Variants in USP28 observed in about 807,000 individuals in gnomAD.
The protein encoded by USP28 is ubiquitin specific peptidase 28, also known as ubiquitin carboxyl-terminal hydrolase 28.
In USP28, 113 loss-of-function variants were observed where a neutral mutation model predicts 145.0. The ratio of observed to expected loss-of-function variants is 0.78; its 90% CI spans 0.67 to 0.91. The LOEUF (loss-of-function observed/expected upper bound fraction) is 0.91, where lower values mean the gene tolerates loss of function less well. USP28 is among the 40% of genes least tolerant of loss of function. The pLI, the probability that USP28 is intolerant of heterozygous loss-of-function variation, is 0.00. For missense variants in USP28, 1,201 were observed against 1,289.6 expected, an observed-to-expected ratio of 0.93 and a Z score of 1.05; for synonymous variants, 447 against 450.9, an observed-to-expected ratio of 0.99 and a Z score of 0.11.
chr11:113,817,848 A>G lies in USP28; in HGVS notation c.1284-11T>C, dbSNP rs778337953. 3.2e-5 allele frequency: 51 copies of G among 1,612,034 alleles called. No homozygotes were observed. Among genetic ancestry groups the G allele is most frequent in the Non-Finnish European group, 4.2e-5 (50 of 1,179,858 alleles). On this transcript the variant is annotated splice_polypyrimidine_tract_variant and intron_variant, in intron 12 of 24. Transcript: ENST00000003302. ...CCATATTTCACATACCTAAGCGACA[A>G]AGACAGTGGTACTCTACTGCCCAAG...
chr11:113,822,901 GA>G (rs1942837540), intron 12 of USP28, among the ~76,000 whole-genome samples: 1 of 152,152 alleles, frequency 6.6e-6, no homozygotes, highest in Admixed American at 6.5e-5. Flanking sequence ...GCCCTTCAGG[GA>G]AATTAATGGC....
intron 24 of USP28, among the ~76,000 whole-genome samples, chr11:113,799,980 C>A (rs1214223545): frequency 1.2e-4 from 18 of 152,048 alleles, no homozygotes. Context: ...ATACTATCAA[C>A]TTAAACACTT....
intron 1 of USP28, among the ~76,000 whole-genome samples, chr11:113,859,152 C>A (rs1321013536): frequency 6.6e-6 from 1 of 152,168 alleles, no homozygotes; most frequent in Non-Finnish European, 1.5e-5. Flanking sequence ...GTTGGGACTA[C>A]AGGCACACAT....
intron 11 of USP28, among the ~76,000 whole-genome samples, chr11:113,825,169 CTGACA>C (rs1405778110): frequency 6.6e-6 from 1 of 152,118 alleles, no homozygotes; most frequent in Non-Finnish European, 1.5e-5. Context: ...CAATATGGCA[CTGACA>C]TAAGACCAGA....
chr11:113,803,064 G>A lies in USP28; in HGVS notation c.2862+94C>T, dbSNP rs1591469384. 4.5e-6 allele frequency: 6 copies of A among 1,337,908 alleles called. No homozygotes were observed. In the South Asian group the frequency reaches 5.7e-5, roughly 13 times the overall value. The allele number at this position is 1,337,908 out of a possible 1,614,324, so 82.9% of individuals were successfully genotyped here. A position where few individuals can be genotyped will look rare whatever the true frequency, so the allele number is the denominator to read the frequency against. ...TTGGGGGGAAATCTACAACCTGTTG[G>A]AGATAGTCTGTTTTGAAAGCCATAT... On this transcript the variant is annotated intron_variant, in intron 23 of 24. Coordinates refer to ENST00000003302, the Ensembl canonical transcript of USP28.
intron 12 of USP28, among the ~76,000 whole-genome samples, chr11:113,822,113 T>A (rs1942694683): frequency 6.6e-6 from 1 of 152,238 alleles, no homozygotes; most frequent in Non-Finnish European, 1.5e-5. Flanking sequence ...GGTATTCTCA[T>A]TTCTTTTATG....
rs1012167249 is a variant in USP28 at position 113,871,793 on chromosome 11, G to C, written c.57+3652C>G. On this transcript the variant is annotated intron_variant, in intron 1 of 24. Coordinates refer to ENST00000003302, the Ensembl canonical transcript of USP28. ...TATCTATTTAGAAAGACTGTAGGGA[G>C]GACTGGAAGTTTAAAACATTAGGAG... is the stretch of plus-strand genomic sequence containing the variant. Among the ~76,000 whole-genome samples the C allele has an allele frequency of 1.9e-4, 29 of 152,250 alleles. 1 individual carries two copies. The highest frequency in any genetic ancestry group is 1.8e-3 in the Admixed American group (27 of 15,288).
intron 5 of USP28, among the ~76,000 whole-genome samples, chr11:113,837,663 C>A (rs1396927784): frequency 6.6e-6 from 1 of 152,178 alleles, no homozygotes; most frequent in Non-Finnish European, 1.5e-5. Context: ...ACGGTCTTAA[C>A]TACCCTTCAT....
At chr11:113,815,615 TA>T (rs1479565638) in intron 13 of USP28, among the ~76,000 whole-genome samples, 4 of 152,216 alleles carry the variant, frequency 2.6e-5, no homozygotes, top group Non-Finnish European at 5.9e-5. Context: ...AAGGTTTAAA[TA>T]AATTAAGCAA....
At chr11:113,803,007 C>A (rs1467682911) in intron 23 of USP28, 151 bp downstream of exon 24, 6 of 803,364 alleles carry the variant, frequency 7.5e-6, no homozygotes, top group South Asian at 3.3e-5. Context: ...TGAAAAAAAA[C>A]CTGTTCCAAT....
chr11:113,813,924 C>G, exon 15 of USP28: 1 of 1,610,618 alleles, frequency 6.2e-7, no homozygotes, highest in Non-Finnish European at 8.5e-7. Context: ...GTTCAATAGT[C>G]TGAGTAGTAC....
At chr11:113,801,537 C>T (rs994275475) in exon 24 of USP28, 2 of 1,608,130 alleles carry the variant, frequency 1.2e-6, no homozygotes, top group Non-Finnish European at 1.7e-6. Context: ...ACCTCAATGG[C>T]ATCCAGATCA....
At chr11:113,854,804 A>G (rs940892097) in intron 1 of USP28, among the ~76,000 whole-genome samples, 1 of 152,352 alleles carries the variant, frequency 6.6e-6, no homozygotes, top group Middle Eastern at 3.4e-3. Flanking sequence ...TAAAAGTTCA[A>G]TCATGGAAAT....
intron 16 of USP28, among the ~76,000 whole-genome samples, chr11:113,811,718 T>C (rs1941020167): frequency 6.6e-6 from 1 of 151,016 alleles, no homozygotes; most frequent in Non-Finnish European, 1.5e-5. Context: ...ATTTAGTTAT[T>C]CTCCAAAGGG....
At chr11:113,854,586 G>C (rs1318168587) in intron 1 of USP28, among the ~76,000 whole-genome samples, 3 of 152,158 alleles carry the variant, frequency 2.0e-5, no homozygotes, top group African/African-American at 7.2e-5. Context: ...ATTTTTAGTA[G>C]TGACGGGGTT....
intron 1 of USP28, among the ~76,000 whole-genome samples, chr11:113,862,106 C>G (rs2428021): frequency 0.8 from 121,633 of 152,188 alleles, 48,843 homozygotes; most frequent in East Asian, 0.89. Context: ...CAGCACTTTA[C>G]GGGGCTGAGG....
chr11:113,875,343 G>T, intron 1 of USP28, 102 bp downstream of exon 1: 1 of 994,452 alleles, frequency 1.0e-6, no homozygotes, highest in Non-Finnish European at 1.2e-6. Context: ...GCCCGGCCGG[G>T]GCGCCCTCCG....
chr11:113,855,221 A>G (rs1946918220), intron 1 of USP28, among the ~76,000 whole-genome samples: 1 of 152,226 alleles, frequency 6.6e-6, no homozygotes, highest in Non-Finnish European at 1.5e-5. Context: ...GGAAAAACCT[A>G]AATTGTTAAC....
chr11:113,803,615 T>G (rs933717181), intron 22 of USP28, among the ~76,000 whole-genome samples, 183 bp downstream of exon 23: 1 of 152,116 alleles, frequency 6.6e-6, no homozygotes, highest in Non-Finnish European at 1.5e-5. Flanking sequence ...ATCTAATCAT[T>G]TGAAGGATGA....
Sources: gnomAD v4.1 joint callset for allele counts (sites outside exome capture counted in the v4.1 genomes callset) on GRCh38, gnomAD v4.1.1 for gene constraint, MANE v1.5 for transcripts, NCBI Gene and HGNC (gene_info 2026-07-23, HGNC 2026-07-21) for gene names.